PDE1C: variants seen among roughly 807,000 people sequenced by gnomAD.
PDE1C encodes the protein phosphodiesterase 1C.
A neutral mutation model predicts 93.1 loss-of-function variants in PDE1C; 62 were observed. The observed-to-expected ratio is 0.67, with a 90% CI of 0.54 to 0.82. PDE1C has a LOEUF of 0.82. Among genes scored for constraint, PDE1C ranks in the 40% least tolerant of loss-of-function variants. The pLI is 0.00. For synonymous variants in PDE1C, 325 were observed against 310.1 expected (o/e 1.05, Z -0.50); for missense variants, 742 against 884.6 (o/e 0.84, Z 2.04).
intron 11 of PDE1C, among the ~76,000 whole-genome samples, chr7:31,832,129 C>T (rs1790490585): frequency 6.6e-6 from 1 of 151,900 alleles, no homozygotes; most frequent in Non-Finnish European, 1.5e-5. Flanking sequence ...AAAAGAGAAA[C>T]AATAAAACAA....
intron 3 of PDE1C, among the ~76,000 whole-genome samples, chr7:32,118,226 G>A (rs975283962): frequency 1.4e-4 from 21 of 152,200 alleles, no homozygotes; most frequent in African/African-American, 4.8e-4. Context: ...AGCAGAACCT[G>A]ACAGCATAAA....
intron 1 of PDE1C, among the ~76,000 whole-genome samples, chr7:32,399,576 T>A (rs891507598): frequency 2.4e-5 from 3 of 124,806 alleles, no homozygotes; most frequent in Admixed American, 2.2e-4. Flanking sequence ...TATGACTTCA[T>A]TTAACTTTTT....
At chr7:32,372,521 C>T (rs1562695022) in intron 1 of PDE1C, among the ~76,000 whole-genome samples, 2 of 152,046 alleles carry the variant, frequency 1.3e-5, no homozygotes, top group African/African-American at 4.8e-5. Context: ...GTAAAAGCTA[C>T]AACTACAAAA....
In PDE1C at chr7:31,888,266, A is replaced by G. The variant is rs1018515039; in HGVS notation, c.129-7406T>C. Among the ~76,000 whole-genome samples, 4 of 150,594 alleles carry G rather than the reference A, an allele frequency of 2.7e-5. No homozygotes were observed. In the East Asian group the frequency reaches 5.8e-4, roughly 22 times the overall value. ...CTCAGTCTCAAAAAAAAAAAAAAAA[A>G]AAAAAAAGAAAAGGAGAAGTCTAAA... is the stretch of plus-strand genomic sequence containing the variant. On this transcript the variant is annotated intron_variant, in intron 2 of 17. Coordinates refer to ENST00000396191, the MANE Select transcript of PDE1C (RefSeq NM_001191057.4).
chr7:31,879,288 C>T, intron 3 of PDE1C, 110 bp from the exon 4 acceptor site: 1 of 1,098,404 alleles, frequency 9.1e-7, no homozygotes, highest in South Asian at 1.6e-5. Flanking sequence ...TGCAAAGAAA[C>T]CAAATTAAAT....
At chr7:32,119,867 A>G (rs1374821809) in intron 3 of PDE1C, among the ~76,000 whole-genome samples, 1 of 152,216 alleles carries the variant, frequency 6.6e-6, no homozygotes, top group East Asian at 1.9e-4. Flanking sequence ...AAGCCAGCCA[A>G]GTTTCCCGGG....
At chr7:32,224,872 C>T (rs570582008) in intron 1 of PDE1C, among the ~76,000 whole-genome samples, 1 of 151,412 alleles carries the variant, frequency 6.6e-6, no homozygotes, top group African/African-American at 2.4e-5. Flanking sequence ...TTTGATCTTA[C>T]GTTAGAAGAA....
At chr7:32,225,538 T>C (rs1807195664) in intron 1 of PDE1C, among the ~76,000 whole-genome samples, 1 of 152,124 alleles carries the variant, frequency 6.6e-6, no homozygotes, top group Non-Finnish European at 1.5e-5. Context: ...TTGTAGGGGT[T>C]CTTGTGTTAG....
At chr7:31,841,800 A>G (rs922561069) in intron 9 of PDE1C, among the ~76,000 whole-genome samples, 1 of 152,152 alleles carries the variant, frequency 6.6e-6, no homozygotes, top group Admixed American at 6.6e-5. Flanking sequence ...ATGAAGGCTG[A>G]CAAGTCCCAA....
At chr7:31,975,260 C>T (rs1811505183) in intron 2 of PDE1C, among the ~76,000 whole-genome samples, 2 of 152,164 alleles carry the variant, frequency 1.3e-5, no homozygotes, top group Non-Finnish European at 2.9e-5. Flanking sequence ...TTCTAGGATG[C>T]TTTTCTGACT....
At chr7:31,744,979 C>CT in the PDE1C span, among the ~76,000 whole-genome samples, 5,370 of 148,770 alleles carry the variant, frequency 0.036, 140 homozygotes, top group Non-Finnish European at 0.057. Context: ...AGCAAAGTAG[C>CT]TTTTTTTTTT....
chr7:31,696,871 G>A, the PDE1C span: 1 of 1,385,038 alleles, frequency 7.2e-7, no homozygotes, highest in Non-Finnish European at 9.8e-7. Flanking sequence ...TATATTGACT[G>A]TCTTCACCAG....
intron 1 of PDE1C, among the ~76,000 whole-genome samples, chr7:32,424,989 A>G (rs1785499931): frequency 6.6e-6 from 1 of 152,192 alleles, no homozygotes; most frequent in African/African-American, 2.4e-5. Flanking sequence ...GTGACTAATT[A>G]ACCTCTATAT....
chr7:32,224,963 A>G (rs1807144835), intron 1 of PDE1C, among the ~76,000 whole-genome samples: 1 of 151,992 alleles, frequency 6.6e-6, no homozygotes, highest in Non-Finnish European at 1.5e-5. Flanking sequence ...GCTGGCAATG[A>G]AGAGATCCCC....
chr7:32,217,110 C>G (rs565047965), intron 1 of PDE1C, among the ~76,000 whole-genome samples: 2 of 152,318 alleles, frequency 1.3e-5, no homozygotes, highest in African/African-American at 4.8e-5. Context: ...GCTTCATTGC[C>G]ACATTCATTC....
intron 2 of PDE1C, among the ~76,000 whole-genome samples, chr7:31,948,430 T>C (rs1806915252): frequency 6.6e-6 from 1 of 152,210 alleles, no homozygotes; most frequent in Non-Finnish European, 1.5e-5. Flanking sequence ...AAGTATTATC[T>C]GAAGCTTAAA....
intron 2 of PDE1C, among the ~76,000 whole-genome samples, chr7:32,194,657 T>C (rs1484777460): frequency 6.6e-6 from 1 of 152,368 alleles, no homozygotes; most frequent in East Asian, 1.9e-4. Context: ...TCAACCTGTC[T>C]ATACAGTCAT....
intron 2 of PDE1C, among the ~76,000 whole-genome samples, chr7:31,954,702 G>T (rs1807883630): frequency 6.6e-6 from 1 of 152,146 alleles, no homozygotes; most frequent in African/African-American, 2.4e-5. Flanking sequence ...ATAGGTTGGT[G>T]CAAAAGTGAT....
the PDE1C span, among the ~76,000 whole-genome samples, chr7:31,728,780 A>C: frequency 1.7e-4 from 26 of 152,226 alleles, no homozygotes; most frequent in Admixed American, 1.7e-3. Context: ...CTGCCAGGGA[A>C]GTCTTAGAGG....
Sources: gnomAD v4.1 joint callset for allele counts (sites outside exome capture counted in the v4.1 genomes callset) on GRCh38, gnomAD v4.1.1 for gene constraint, MANE v1.5 for transcripts, NCBI Gene and HGNC (gene_info 2026-07-23, HGNC 2026-07-21) for gene names.